ARK2N: variants seen among roughly 807,000 people sequenced by gnomAD.
ARK2N encodes arkadia (RNF111) N-terminal like PKA signaling regulator 2N.
chr18:46,222,809 C>A, the ARK2N span, among the ~76,000 whole-genome samples: 1 of 152,140 alleles, frequency 6.6e-6, no homozygotes, highest in Non-Finnish European at 1.5e-5. Context: ...CACGGCTTCC[C>A]CTACTATCAA....
At chr18:46,243,506 A>G in the ARK2N span, among the ~76,000 whole-genome samples, 103,214 of 152,002 alleles carry the variant, frequency 0.68, 35,783 homozygotes, top group Non-Finnish European at 0.75. Flanking sequence ...AAGCAATTAG[A>G]TGATTATCTT....
chr18:46,205,651 C>T, the ARK2N span, among the ~76,000 whole-genome samples: 2 of 152,318 alleles, frequency 1.3e-5, no homozygotes, highest in Admixed American at 1.3e-4. Context: ...ATTTAGCCAT[C>T]ATCTGTCCTT....
At chr18:46,259,885 C>CTCTGTGTGTGTGTGTGTGTGTGTGTG in the ARK2N span, among the ~76,000 whole-genome samples, 1 of 81,704 alleles carries the variant, frequency 1.2e-5, no homozygotes, top group Admixed American at 1.3e-4. Flanking sequence ...ATCCTCCCGT[C>CTCTGTGTGTGTGTGTGTGTGTGTGTG]TGTGTGTGTG....
At chr18:46,250,832 A>C in the ARK2N span, among the ~76,000 whole-genome samples, 3 of 152,016 alleles carry the variant, frequency 2.0e-5, no homozygotes, top group Admixed American at 1.3e-4. Flanking sequence ...AAATCTCACC[A>C]AACTTTTATA....
the ARK2N span, among the ~76,000 whole-genome samples, chr18:46,246,706 G>A: frequency 4.2e-5 from 5 of 119,598 alleles, no homozygotes; most frequent in African/African-American, 1.5e-4. Context: ...ACTTTGGGAG[G>A]CCGAGGCGGG....
At chr18:46,262,830 T>C in the ARK2N span, 7 of 1,236,846 alleles carry the variant, frequency 5.7e-6, no homozygotes, top group Non-Finnish European at 8.1e-6. Flanking sequence ...ACTAGGTTTA[T>C]CTTAGTAAAA....
At chr18:46,183,040 T>C in the ARK2N span, among the ~76,000 whole-genome samples, 9 of 152,160 alleles carry the variant, frequency 5.9e-5, no homozygotes, top group African/African-American at 2.2e-4. Flanking sequence ...CCCAGTCAGC[T>C]TCACTGTTGA....
the ARK2N span, among the ~76,000 whole-genome samples, chr18:46,237,510 C>T: frequency 6.6e-6 from 1 of 151,820 alleles, no homozygotes; most frequent in Non-Finnish European, 1.5e-5. Flanking sequence ...GCCTCAGCCT[C>T]CCAAGTAGCT....
At chr18:46,216,345 G>GAA in the ARK2N span, 1 of 1,614,064 alleles carries the variant, frequency 6.2e-7, no homozygotes, top group Non-Finnish European at 8.5e-7. This position sits in a 1 kb window ranked among gnomAD's most constrained non-coding sequence, Gnocchi z 4.3. Context: ...TGGCTGCCAA[G>GAA]AAAAACCGGC....
chr18:46,212,668 A>G, the ARK2N span, among the ~76,000 whole-genome samples: 1 of 152,150 alleles, frequency 6.6e-6, no homozygotes, highest in Non-Finnish European at 1.5e-5. Flanking sequence ...AGGTAGTATA[A>G]ATTAAATCTC....
chr18:46,214,004 G>A, the ARK2N span, among the ~76,000 whole-genome samples: 1 of 151,998 alleles, frequency 6.6e-6, no homozygotes, highest in Non-Finnish European at 1.5e-5. Context: ...GCCTAGGATT[G>A]TTTTAAATTA....
chr18:46,245,561 A>G, the ARK2N span, among the ~76,000 whole-genome samples: 2 of 141,018 alleles, frequency 1.4e-5, no homozygotes, highest in Admixed American at 7.4e-5. Context: ...ACAGAGTGAG[A>G]CTCTGTCTCA....
the ARK2N span, among the ~76,000 whole-genome samples, chr18:46,179,932 C>A: frequency 6.6e-6 from 1 of 152,114 alleles, no homozygotes; most frequent in African/African-American, 2.4e-5. Flanking sequence ...GCCTAAAGTT[C>A]TCTTCTATAT....
chr18:46,199,149 C>T, the ARK2N span, among the ~76,000 whole-genome samples: 1 of 152,072 alleles, frequency 6.6e-6, no homozygotes, highest in South Asian at 2.1e-4. Context: ...AACTTGCCCT[C>T]AGTCAATATT....
chr18:46,244,601 A>ACTTTTTTTTTTTTTTTTTTTTTT, the ARK2N span, among the ~76,000 whole-genome samples: 1 of 93,840 alleles, frequency 1.1e-5, no homozygotes, highest in African/African-American at 4.2e-5. Context: ...AAGAGTTTAG[A>ACTTTTTTTTTTTTTTTTTTTTTT]TTTTTTTTTT....
At chr18:46,230,738 C>T in the ARK2N span, among the ~76,000 whole-genome samples, 4 of 152,162 alleles carry the variant, frequency 2.6e-5, no homozygotes, top group East Asian at 1.9e-4. Context: ...TTTAAAAAAT[C>T]GCCGAATGTT....
At chr18:46,192,409 TAA>T in the ARK2N span, among the ~76,000 whole-genome samples, 1 of 151,636 alleles carries the variant, frequency 6.6e-6, no homozygotes, top group African/African-American at 2.4e-5. Flanking sequence ...CCGTCTTTAC[TAA>T]AAATACAAAA....
chr18:46,255,331 C>T, the ARK2N span, among the ~76,000 whole-genome samples: 3 of 152,128 alleles, frequency 2.0e-5, no homozygotes, highest in East Asian at 1.9e-4. Flanking sequence ...GCACTTCATC[C>T]TCTATTCTGT....
At chr18:46,252,964 C>T in the ARK2N span, among the ~76,000 whole-genome samples, 1 of 152,220 alleles carries the variant, frequency 6.6e-6, no homozygotes, top group African/African-American at 2.4e-5. Flanking sequence ...GAAGTCCTTA[C>T]ATCCCCCAGT....
Sources: allele counts gnomAD v4.1 joint callset (sites outside exome capture counted in the v4.1 genomes callset), GRCh38; gene constraint gnomAD v4.1.1; non-coding constraint Gnocchi (gnomAD v3.1); transcripts MANE v1.5; gene names NCBI Gene and HGNC (gene_info 2026-07-23, HGNC 2026-07-21).